Variants in GSK3B observed in about 807,000 individuals in gnomAD.
GSK3B encodes glycogen synthase kinase-3 beta.
A neutral mutation model predicts 56.4 loss-of-function variants in GSK3B; 15 were observed. The ratio of observed to expected loss-of-function variants is 0.27; its 90% confidence interval spans 0.18 to 0.41. The LOEUF is 0.41. Among genes scored for constraint, GSK3B ranks in the 10% least tolerant of loss-of-function variants. The pLI, the probability that GSK3B is intolerant of heterozygous loss-of-function variation, is 1.00. For missense variants in GSK3B, 300 were observed against 513.4 expected (o/e 0.58, Z 4.02); for synonymous variants, 181 against 188.9 (o/e 0.96, Z 0.34).
At chr3:119,842,376 T>C (rs995028547) in intron 10 of GSK3B, among the ~76,000 whole-genome samples, 2 of 152,098 alleles carry the variant, frequency 1.3e-5, no homozygotes, top group Non-Finnish European at 2.9e-5. Context: ...GTTAAACATA[T>C]TTGCATTGCA....
intron 2 of GSK3B, among the ~76,000 whole-genome samples, chr3:119,970,719 A>G (rs1253770628): frequency 1.3e-5 from 2 of 151,876 alleles, no homozygotes; most frequent in Non-Finnish European, 2.9e-5. Flanking sequence ...TCTGGGAGGT[A>G]GAGGTTGCAG....
rs533222339 is a variant in GSK3B at position 119,930,906 on chromosome 3, A to T, written c.367-7423T>A. On this transcript the variant is annotated intron_variant, in intron 3 of 10. Coordinates refer to ENST00000264235, the MANE Select transcript of GSK3B (RefSeq NM_001146156.2). Reference sequence around the variant, plus strand: ...TTATTCATAATATTAACACAGCAGAATACATCAAAGGAAGGCTAATGAAAG... The same window carrying T: ...TTATTCATAATATTAACACAGCAGATTACATCAAAGGAAGGCTAATGAAAG... Among the ~76,000 whole-genome samples the T allele has an allele frequency of 2.0e-5, 3 of 152,378 alleles. No individual in the cohort carries two copies. The East Asian group carries it at 5.8e-4, about 29-fold the overall frequency.
intron 7 of GSK3B, among the ~76,000 whole-genome samples, chr3:119,893,063 G>C (rs865913261): frequency 6.6e-6 from 1 of 151,868 alleles, no homozygotes; most frequent in Non-Finnish European, 1.5e-5. Context: ...GTTGGTGTGC[G>C]GTGGTGCAAT....
chr3:119,960,410 T>C (rs1313069103), intron 2 of GSK3B, among the ~76,000 whole-genome samples: 1 of 147,096 alleles, frequency 6.8e-6, no homozygotes, highest in Admixed American at 6.8e-5. Flanking sequence ...ATGCATGTAA[T>C]AAAAAAAAAA....
At chr3:119,888,580 C>T (rs959692090) in intron 7 of GSK3B, among the ~76,000 whole-genome samples, 2 of 152,008 alleles carry the variant, frequency 1.3e-5, no homozygotes, top group South Asian at 2.1e-4. Flanking sequence ...CTGTAAAGCA[C>T]GTGTGTTTGA....
At chr3:120,035,032 G>A (rs1400005416) in intron 1 of GSK3B, among the ~76,000 whole-genome samples, 1 of 152,150 alleles carries the variant, frequency 6.6e-6, no homozygotes, top group Non-Finnish European at 1.5e-5. Context: ...GGCGGAGGTT[G>A]CAGTGAGCTG....
intron 2 of GSK3B, among the ~76,000 whole-genome samples, chr3:119,968,133 C>T (rs546900863): frequency 1.4e-3 from 207 of 152,226 alleles, no homozygotes; most frequent in South Asian, 2.5e-3. Context: ...GGATTACAGG[C>T]GTGAGCCACC....
chr3:120,063,132 C>G (rs1230579203), intron 1 of GSK3B, among the ~76,000 whole-genome samples: 1 of 152,070 alleles, frequency 6.6e-6, no homozygotes, highest in African/African-American at 2.4e-5. Flanking sequence ...TTTAAAAAAG[C>G]ATTCACAGTG....
chr3:119,912,715 G>A lies in GSK3B; in HGVS notation c.704C>T (p.Thr235Ile), dbSNP rs927477936. The A allele has an allele frequency of 1.4e-6, 2 of 1,448,548 alleles. No homozygotes were observed. The highest frequency in any genetic ancestry group is 9.7e-7 in the Non-Finnish European group (1 of 1,032,718). The allele number at this position is 1,448,548 out of a possible 1,614,324, so 89.7% of individuals were successfully genotyped here. ...PELIFGATDY[T>I]SSIDVWSAGC... Reference sequence around the variant, plus strand: ...AGATTTGTACTTACCTATACTAGAGGTATAATCAGTGGCTCCAAAGATCAA... The same window carrying A: ...AGATTTGTACTTACCTATACTAGAGATATAATCAGTGGCTCCAAAGATCAA... Residue 235 changes from threonine to isoleucine, a missense_variant, in exon 6 of 11, where the codon ACC becomes ATC. Physicochemically the swap from Thr to Ile is moderately conservative, Grantham distance 89. This residue lies in a region of GSK3B where 39 missense variants were observed against 154.6 expected (regional missense o/e 0.25). Coordinates refer to ENST00000264235, the MANE Select transcript of GSK3B (RefSeq NM_001146156.2).
intron 1 of GSK3B, among the ~76,000 whole-genome samples, chr3:120,082,451 C>T (rs1455823716): frequency 1.6e-5 from 2 of 124,946 alleles, no homozygotes; most frequent in Non-Finnish European, 3.1e-5. Context: ...GGCTGGAGTG[C>T]AGTGGCACAA....
chr3:119,855,120 T>A (rs1266339084), intron 9 of GSK3B, among the ~76,000 whole-genome samples: 1 of 152,244 alleles, frequency 6.6e-6, no homozygotes, highest in African/African-American at 2.4e-5. Context: ...GTATGTTGTG[T>A]CTTTGTTCTC....
chr3:119,929,172 A>C (rs970984541), intron 3 of GSK3B, among the ~76,000 whole-genome samples: 61 of 152,200 alleles, frequency 4.0e-4, no homozygotes, highest in African/African-American at 1.4e-3. Flanking sequence ...ATTCAGAAAC[A>C]ATCAGTTCCC....
At chr3:119,993,841 G>A (rs569405366) in intron 2 of GSK3B, among the ~76,000 whole-genome samples, 1 of 152,184 alleles carries the variant, frequency 6.6e-6, no homozygotes, top group Non-Finnish European at 1.5e-5. Context: ...CTGGCTAAGG[G>A]GATCTAGATC....
At chr3:119,827,489 A>T (rs969070494) in intron 10 of GSK3B, among the ~76,000 whole-genome samples, 1 of 151,684 alleles carries the variant, frequency 6.6e-6, no homozygotes, top group East Asian at 1.9e-4. Flanking sequence ...ATAAGAGAGA[A>T]AGATGGGAGG....
rs76444496 is a variant in GSK3B at position 119,916,319 on chromosome 3, T to C, written c.478-145A>G. On this transcript the variant is annotated intron_variant, in intron 4 of 10. Transcript: ENST00000264235. The stretch of plus-strand genomic sequence containing the variant: ...GCACTCAATCTTCCTTTCACAAGTT[T>C]TGTGTCACTTCTGTATTAATTAGCT... 1.5e-5 allele frequency: 9 copies of C among 619,628 alleles called. No homozygotes were observed. The East Asian group carries it at 2.5e-4, about 17-fold the overall frequency. The allele number at this position is 619,628 out of a possible 1,614,324, so 38.4% of individuals were successfully genotyped here.
intron 1 of GSK3B, among the ~76,000 whole-genome samples, chr3:120,040,790 A>G (rs184629538): frequency 2.5e-4 from 38 of 151,742 alleles, no homozygotes; most frequent in South Asian, 1.0e-3. Context: ...GATCCCCTAC[A>G]CTGTCTTCCC....
chr3:119,842,408 TA>T (rs551920550), intron 10 of GSK3B, among the ~76,000 whole-genome samples: 3 of 152,084 alleles, frequency 2.0e-5, no homozygotes, highest in African/African-American at 4.8e-5. Context: ...TTCAAATGAT[TA>T]AAAAAATGAT....
intron 9 of GSK3B, among the ~76,000 whole-genome samples, chr3:119,851,294 C>G (rs74638250): frequency 0.027 from 4,175 of 152,228 alleles, 182 homozygotes; most frequent in African/African-American, 0.092. Context: ...AAGACAAACT[C>G]AATAAACTCA....
At chr3:119,869,232 A>AAAC (rs1553726288) in intron 8 of GSK3B, among the ~76,000 whole-genome samples, 5 of 150,168 alleles carry the variant, frequency 3.3e-5, no homozygotes, top group South Asian at 2.1e-4. Context: ...TCAAAAAAAA[A>AAAC]AAAAAAAAAA....
Sources: gnomAD v4.1 joint callset for allele counts (sites outside exome capture counted in the v4.1 genomes callset) on GRCh38, gnomAD v4.1.1 for gene constraint, gnomAD v4.1.1 regional missense constraint, MANE v1.5 for transcripts, NCBI Gene and HGNC (gene_info 2026-07-23, HGNC 2026-07-21) for gene names.